PRORP: variants seen among roughly 807,000 people sequenced by gnomAD.
PRORP encodes protein only RNase P catalytic subunit.
A neutral mutation model predicts 59.4 loss-of-function variants in PRORP; 51 were observed. The observed-to-expected ratio is 0.86, with a 90% CI of 0.69 to 1.08. The LOEUF (loss-of-function observed/expected upper bound fraction) is 1.08, where lower values mean the gene tolerates loss of function less well. PRORP is among the 50% of genes least tolerant of loss of function. The pLI, the probability that PRORP is intolerant of heterozygous loss-of-function variation, is 0.00. For synonymous variants in PRORP, 231 were observed against 245.6 expected (o/e 0.94, Z 0.55); for missense variants, 646 against 690.3 (o/e 0.94, Z 0.72).
At chr14:35,268,342 C>CAAAAAA (rs769701565) in intron 6 of PRORP, among the ~76,000 whole-genome samples, 16 of 50,784 alleles carry the variant, frequency 3.2e-4, no homozygotes, top group African/African-American at 7.2e-4. Flanking sequence ...GAGACTGTCT[C>CAAAAAA]AAAAAAAAAA....
chr14:35,245,367 G>A (rs570041535), intron 5 of PRORP, among the ~76,000 whole-genome samples: 1 of 152,198 alleles, frequency 6.6e-6, no homozygotes, highest in East Asian at 1.9e-4. Flanking sequence ...TGGTGGCCAT[G>A]CACAGTGGCT....
At chr14:35,199,062 G>T (rs1336322507) in intron 5 of PRORP, among the ~76,000 whole-genome samples, 1 of 152,190 alleles carries the variant, frequency 6.6e-6, no homozygotes, top group South Asian at 2.1e-4. Context: ...CAGCTACTCC[G>T]GAGGCTGAGG....
chr14:35,180,067 A>G (rs1014765061), intron 4 of PRORP, among the ~76,000 whole-genome samples: 2 of 152,158 alleles, frequency 1.3e-5, no homozygotes, highest in South Asian at 2.1e-4. Context: ...TGAACAGCAA[A>G]TATTGCTGCC....
intron 7 of PRORP, among the ~76,000 whole-genome samples, chr14:35,271,136 T>G (rs747603440): frequency 8.6e-5 from 13 of 150,630 alleles, no homozygotes; most frequent in Non-Finnish European, 1.6e-4. Flanking sequence ...TTCAATTAAT[T>G]ATGTCACAAA....
intron 5 of PRORP, chr14:35,222,741 GA>G (rs1179733164): frequency 2.6e-5 from 4 of 152,206 alleles, no homozygotes; most frequent in Admixed American, 6.5e-5. Context: ...TTGCAAGAGA[GA>G]AAAACAATAG....
chr14:35,197,949 A>G (rs1294008477), intron 5 of PRORP, among the ~76,000 whole-genome samples: 2 of 152,246 alleles, frequency 1.3e-5, no homozygotes, highest in Non-Finnish European at 2.9e-5. Context: ...CCTGAAGATG[A>G]TAACATGATC....
chr14:35,155,366 T>A (rs527498663), intron 4 of PRORP, among the ~76,000 whole-genome samples: 13 of 152,218 alleles, frequency 8.5e-5, no homozygotes, highest in Admixed American at 4.6e-4. Context: ...TGGGGATTTA[T>A]TATACTATTC....
At chr14:35,128,286 T>TG (rs1358895673) in intron 4 of PRORP, among the ~76,000 whole-genome samples, 4 of 150,480 alleles carry the variant, frequency 2.7e-5, no homozygotes, top group African/African-American at 9.9e-5. Context: ...TTGTTTTTTT[T>TG]TTGTTGTTTT....
intron 5 of PRORP, among the ~76,000 whole-genome samples, chr14:35,181,139 T>C (rs1464785498): frequency 6.6e-6 from 1 of 152,200 alleles, no homozygotes; most frequent in African/African-American, 2.4e-5. Context: ...AAATTATCAA[T>C]ATACAATATC....
chr14:35,125,895 G>A (rs1468495334), intron 2 of PRORP, among the ~76,000 whole-genome samples: 2 of 152,028 alleles, frequency 1.3e-5, no homozygotes, highest in South Asian at 2.1e-4. Context: ...GGTGTGTGCC[G>A]GTAGTCCTAG....
intron 4 of PRORP, among the ~76,000 whole-genome samples, chr14:35,168,586 C>T (rs928520952): frequency 4.0e-5 from 6 of 151,716 alleles, no homozygotes; most frequent in Admixed American, 3.9e-4. Context: ...CTTTGTCTTT[C>T]TTAGACCTCA....
At chr14:35,223,158 C>T (rs2049833701) in intron 5 of PRORP, among the ~76,000 whole-genome samples, 1 of 151,806 alleles carries the variant, frequency 6.6e-6, no homozygotes, top group African/African-American at 2.4e-5. Context: ...GATAGAAGTT[C>T]TCTTTGTTGT....
rs183657789 is a variant in PRORP at position 35,226,514 on chromosome 14, A to T, written c.1276-40213A>T. Reference sequence around the variant, plus strand: ...GATTTGGAGAGTGGAAAAGGGGCTGACTCCACTGTTCAGACAACAACGCTG... The same window carrying T: ...GATTTGGAGAGTGGAAAAGGGGCTGTCTCCACTGTTCAGACAACAACGCTG... On this transcript the variant is annotated intron_variant, in intron 5 of 7. Transcript: ENST00000534898. 1.1e-4 allele frequency among the ~76,000 whole-genome samples: 17 copies of T among 152,228 alleles called. 1 individual carries two copies. The East Asian group carries it at 3.1e-3, about 28-fold the overall frequency.
intron 5 of PRORP, chr14:35,262,598 T>C (rs1489069688): frequency 1.5e-5 from 11 of 724,038 alleles, no homozygotes; most frequent in Non-Finnish European, 2.8e-5. Context: ...GATTCAGTCT[T>C]CTTGGAAAGA....
chr14:35,197,736 C>T (rs2139114866), intron 5 of PRORP, among the ~76,000 whole-genome samples: 1 of 152,122 alleles, frequency 6.6e-6, no homozygotes, highest in South Asian at 2.1e-4. Context: ...ATTTCTACCC[C>T]ATTTTGTCTT....
rs200092386 is a variant in PRORP at position 35,221,877 on chromosome 14, T to TAA, written c.1275+41101_1275+41102dup. On this transcript the variant is annotated intron_variant, in intron 5 of 7. Transcript: ENST00000534898. ...CAGATAACCAGTAGTGGTTGTATAT[T>TAA]AATATATGCAAGCTTTCTTTTTGGT... Among the ~76,000 whole-genome samples, 882 of 152,314 alleles carry TAA rather than the reference T, an allele frequency of 5.8e-3. 14 individuals are homozygous for TAA. Among genetic ancestry groups the TAA allele is most frequent in the African/African-American group, 0.019 (805 of 41,572 alleles).
chr14:35,152,718 T>TCGGCCGGGCAGAGA (rs2047799566), intron 4 of PRORP, among the ~76,000 whole-genome samples: 2 of 108,264 alleles, frequency 1.8e-5, no homozygotes, highest in African/African-American at 7.4e-5. Context: ...CTCAGACGGG[T>TCGGCCGGGCAGAGA]CGGCCGGGCA....
At chr14:35,139,101 A>AT (rs1021641361) in intron 4 of PRORP, among the ~76,000 whole-genome samples, 8 of 145,074 alleles carry the variant, frequency 5.5e-5, no homozygotes, top group African/African-American at 2.0e-4. Context: ...AAAGATACTG[A>AT]TTTTTCATAC....
rs1347728683 is a variant in PRORP at position 35,275,226 on chromosome 14, A to C, written c.*1660A>C. The C allele has an allele frequency of 6.6e-6, 1 of 152,222 alleles. No individual in the cohort carries two copies. Among genetic ancestry groups the C allele is most frequent in the Non-Finnish European group, 1.5e-5 (1 of 68,036 alleles). 9.4% of individuals were successfully genotyped at this position (152,222 alleles called of 1,614,324 possible). A position where few individuals can be genotyped will look rare whatever the true frequency, so the allele number is the denominator to read the frequency against. On this transcript the variant is annotated 3_prime_UTR_variant, in exon 8 of 8. Transcript: ENST00000534898. ...ATTTACATTTATGACAATATACCTCAAAGTAAGTTAGGGTAAGAAAAGATA... is the reference window on the plus strand; with the variant it reads ...ATTTACATTTATGACAATATACCTCCAAGTAAGTTAGGGTAAGAAAAGATA...
Sources: gnomAD v4.1 joint callset for allele counts (sites outside exome capture counted in the v4.1 genomes callset) on GRCh38, gnomAD v4.1.1 for gene constraint, MANE v1.5 for transcripts, NCBI Gene and HGNC (gene_info 2026-07-23, HGNC 2026-07-21) for gene names.